PTPRN2: variants seen among roughly 807,000 people sequenced by gnomAD.
PTPRN2 encodes protein tyrosine phosphatase receptor type N2, also known as receptor-type tyrosine-protein phosphatase N2.
PTPRN2 carries 74 observed loss-of-function variants against 118.8 expected under a neutral mutation model. The observed-to-expected ratio is 0.62, with a 90% CI of 0.52 to 0.76. The LOEUF (loss-of-function observed/expected upper bound fraction) is 0.76. PTPRN2 is among the 30% of genes least tolerant of loss of function. The pLI is 0.00. For missense variants in PTPRN2, 1,481 were observed against 1,394.4 expected (o/e 1.06, Z -0.99); for synonymous variants, 641 against 608.0 (o/e 1.05, Z -0.80).
intron 12 of PTPRN2, among the ~76,000 whole-genome samples, chr7:157,802,008 C>T (rs12698108): frequency 1.3e-4 from 20 of 152,052 alleles, no homozygotes; most frequent in African/African-American, 4.4e-4. Context: ...GACTTCTCGG[C>T]GTGCAGCTCC....
At chr7:158,238,966 A>G (rs1010564698) in intron 3 of PTPRN2, among the ~76,000 whole-genome samples, 3 of 152,166 alleles carry the variant, frequency 2.0e-5, no homozygotes, top group Non-Finnish European at 4.4e-5. Flanking sequence ...GCGGCTCCCC[A>G]GACTCCTGAA....
chr7:158,525,125 T>C lies in PTPRN2; in HGVS notation c.113-35340A>G, dbSNP rs1471749751. 5.3e-5 allele frequency among the ~76,000 whole-genome samples: 8 copies of C among 152,140 alleles called. No homozygotes were observed. The East Asian group carries it at 1.3e-3, about 26-fold the overall frequency. On this transcript the variant is annotated intron_variant, in intron 1 of 22. Coordinates refer to ENST00000389418, the MANE Select transcript of PTPRN2 (RefSeq NM_002847.5). The surrounding 1 kb of genome is among the most constrained non-coding windows in gnomAD (Gnocchi z 4.1). ...GCCCTCCATGCGAAGAAATGCTGCG[T>C]CCCAGGCCCTGCACAGTGCTGGACT...
chr7:158,267,267 T>G (rs1326492370), intron 3 of PTPRN2, among the ~76,000 whole-genome samples: 1 of 152,194 alleles, frequency 6.6e-6, no homozygotes, highest in Non-Finnish European at 1.5e-5. Context: ...TGATGGGTGC[T>G]GGGTGCTGGA....
chr7:157,923,112 A>G (rs1798776833), intron 11 of PTPRN2, among the ~76,000 whole-genome samples: 1 of 152,260 alleles, frequency 6.6e-6, no homozygotes, highest in Non-Finnish European at 1.5e-5. Flanking sequence ...AGGTCTATAA[A>G]TAAAACATCA....
chr7:158,043,962 C>T (rs1042946385), intron 11 of PTPRN2, among the ~76,000 whole-genome samples: 5 of 152,318 alleles, frequency 3.3e-5, no homozygotes, highest in South Asian at 2.1e-4. Context: ...CGTCACTCGA[C>T]GTGGCAGAGG....
chr7:158,330,084 C>G (rs1003220067), intron 2 of PTPRN2, among the ~76,000 whole-genome samples: 2 of 137,346 alleles, frequency 1.5e-5, no homozygotes, highest in East Asian at 4.2e-4. Flanking sequence ...GAGCTGACAC[C>G]TGCAGACGTC....
intron 6 of PTPRN2, among the ~76,000 whole-genome samples, chr7:158,160,546 T>C (rs1822268688): frequency 6.6e-6 from 1 of 152,234 alleles, no homozygotes; most frequent in South Asian, 2.1e-4. Context: ...ATGTCCTTTT[T>C]GTACATCTGC....
chr7:157,994,642 G>A (rs1387161884), intron 11 of PTPRN2, among the ~76,000 whole-genome samples: 265 of 125,588 alleles, frequency 2.1e-3, no homozygotes, highest in African/African-American at 7.3e-3. Flanking sequence ...TCAACGCCGT[G>A]TCCCCAGCTT....
At chr7:158,493,056 A>G (rs543456953) in intron 1 of PTPRN2, among the ~76,000 whole-genome samples, 77 of 152,356 alleles carry the variant, frequency 5.1e-4, no homozygotes, top group African/African-American at 1.8e-3. Flanking sequence ...ACTTCAATGT[A>G]TTATCCACCC....
At chr7:157,751,264 G>A (rs1801448207) in intron 12 of PTPRN2, among the ~76,000 whole-genome samples, 1 of 152,230 alleles carries the variant, frequency 6.6e-6, no homozygotes, top group South Asian at 2.1e-4. Context: ...GAGAGAGACA[G>A]GCTCAATTCC....
intron 12 of PTPRN2, among the ~76,000 whole-genome samples, chr7:157,722,019 C>CA (rs1197478587): frequency 6.6e-6 from 1 of 152,234 alleles, no homozygotes; most frequent in Non-Finnish European, 1.5e-5. Context: ...AAAAGCGCTT[C>CA]AGTCTCGCCC....
At chr7:157,856,802 C>T (rs1279433240) in intron 12 of PTPRN2, among the ~76,000 whole-genome samples, 3 of 152,178 alleles carry the variant, frequency 2.0e-5, no homozygotes, top group Non-Finnish European at 4.4e-5. Context: ...AAAGTGGTCA[C>T]TTCATCCATA....
At chr7:157,826,183 G>A (rs978456808) in intron 12 of PTPRN2, among the ~76,000 whole-genome samples, 7 of 150,122 alleles carry the variant, frequency 4.7e-5, no homozygotes, top group East Asian at 2.0e-4. Context: ...ATTTCCACGC[G>A]TGCTGTGCAA....
At chr7:158,383,354 A>G (rs2335555) in intron 2 of PTPRN2, among the ~76,000 whole-genome samples, 134,292 of 152,228 alleles carry the variant, frequency 0.88, 60,692 homozygotes, top group Non-Finnish European at 0.97. Context: ...GCTTCAGAAC[A>G]GAGCAATCAT....
intron 1 of PTPRN2, among the ~76,000 whole-genome samples, chr7:158,562,240 T>C (rs540029533): frequency 6.6e-6 from 1 of 152,244 alleles, no homozygotes; most frequent in East Asian, 1.9e-4. Context: ...TGACGCCTTC[T>C]CGCCATGGTC....
At position 157,995,002 on chromosome 7, in the gene PTPRN2, G is replaced by A. The variant is rs1489766803; in HGVS notation, c.1723+86296C>T. On this transcript the variant is annotated intron_variant, in intron 11 of 22. Transcript: ENST00000389418. ...ACAACTCCTGGTTCCTAAAATCAACGCCGTGTCCCCAGCTTACAGCTCCTT... is the reference window on the plus strand; with the variant it reads ...ACAACTCCTGGTTCCTAAAATCAACACCGTGTCCCCAGCTTACAGCTCCTT... 7.8e-5 allele frequency among the ~76,000 whole-genome samples: 2 copies of A among 25,792 alleles called. 1 individual carries two copies. The highest frequency in any genetic ancestry group is 1.5e-4 in the Non-Finnish European group (2 of 13,574). 16.9% of individuals were successfully genotyped at this position (25,792 alleles called of 152,430 possible).
At chr7:157,666,526 G>GA (rs1383865735) in intron 13 of PTPRN2, among the ~76,000 whole-genome samples, 4 of 150,964 alleles carry the variant, frequency 2.6e-5, no homozygotes, top group Non-Finnish European at 4.4e-5. Context: ...CCCCACAGTA[G>GA]AAAATGAAAT....
intron 3 of PTPRN2, among the ~76,000 whole-genome samples, chr7:158,215,409 C>T (rs1167770960): frequency 6.6e-6 from 1 of 151,918 alleles, no homozygotes. Flanking sequence ...ATCAGAGTTT[C>T]AAAAAGAGGA....
intron 12 of PTPRN2, among the ~76,000 whole-genome samples, chr7:157,684,688 C>A (rs1434062011): frequency 1.3e-5 from 2 of 150,444 alleles, no homozygotes; most frequent in Admixed American, 1.3e-4. Context: ...CCGCCGGGGT[C>A]CGCCCACCGG....
Sources: allele counts gnomAD v4.1 joint callset (sites outside exome capture counted in the v4.1 genomes callset), GRCh38; gene constraint gnomAD v4.1.1; non-coding constraint Gnocchi (gnomAD v3.1); transcripts MANE v1.5; gene names NCBI Gene and HGNC (gene_info 2026-07-23, HGNC 2026-07-21).